Variants in PCDH11X observed in about 807,000 individuals in gnomAD.
PCDH11X encodes protocadherin 11 X-linked.
In PCDH11X, 18 loss-of-function variants were observed where a neutral mutation model predicts 53.3. The ratio of observed to expected loss-of-function variants is 0.34; its 90% confidence interval spans 0.23 to 0.50. The LOEUF (loss-of-function observed/expected upper bound fraction) is 0.50. Ranked by LOEUF, PCDH11X falls within the 20% of genes least tolerant of loss-of-function variation. The pLI, the probability that PCDH11X is intolerant of heterozygous loss-of-function variation, is 0.98. For synonymous variants in PCDH11X, 279 were observed against 393.3 expected, an observed-to-expected ratio of 0.71 and a Z score of 3.44; for missense variants, 570 against 1,032.4, an observed-to-expected ratio of 0.55 and a Z score of 6.14.
At chrX:92,525,586 G>T (rs1182613005) in intron 10 of PCDH11X, among the ~76,000 whole-genome samples, 1 of 100,260 alleles carries the variant, frequency 1.0e-5, no homozygotes, top group Non-Finnish European at 2.0e-5. Flanking sequence ...GGCCAATATT[G>T]CACCACTGCA....
At position 92,243,960 on chromosome X, in the gene PCDH11X, C is replaced by T. The variant is rs190486061; in HGVS notation, c.3115-19154C>T. 4.5e-5 allele frequency among the ~76,000 whole-genome samples: 5 copies of T among 111,218 alleles called. 1 individual carries two copies. The South Asian group carries it at 1.5e-3, about 34-fold the overall frequency. Reference sequence around the variant, plus strand: ...TCTACAGTTCGATTGAGAGTTTAGACATATATCCAAAGAAATTATTCTGAA... The same window carrying T: ...TCTACAGTTCGATTGAGAGTTTAGATATATATCCAAAGAAATTATTCTGAA... On this transcript the variant is annotated intron_variant, in intron 7 of 10. Transcript: ENST00000682573.
intron 6 of PCDH11X, among the ~76,000 whole-genome samples, chrX:92,170,556 C>T (rs1259627696): frequency 9.1e-6 from 1 of 110,071 alleles, no homozygotes. Context: ...ACCATGGACA[C>T]CATATACCAA....
At chrX:91,799,429 T>A (rs907052040) in intron 1 of PCDH11X, among the ~76,000 whole-genome samples, 1 of 111,462 alleles carries the variant, frequency 9.0e-6, no homozygotes, top group African/African-American at 3.3e-5. Flanking sequence ...TAAAACACAT[T>A]TTTTTGGTAT....
chrX:92,413,955 A>G (rs1311079360), intron 9 of PCDH11X, among the ~76,000 whole-genome samples: 2 of 106,104 alleles, frequency 1.9e-5, no homozygotes, highest in East Asian at 6.2e-4. Context: ...GGACACAAAA[A>G]CCCTCACTGT....
At chrX:92,073,755 T>C (rs1280160933) in intron 6 of PCDH11X, among the ~76,000 whole-genome samples, 6 of 111,976 alleles carry the variant, frequency 5.4e-5, no homozygotes, top group Admixed American at 2.8e-4. Context: ...CCTTTAATGA[T>C]GAGACAGTTA....
intron 6 of PCDH11X, among the ~76,000 whole-genome samples, chrX:92,055,042 G>A (rs1290751505): frequency 1.7e-5 from 1 of 58,654 alleles, no homozygotes; most frequent in Non-Finnish European, 3.0e-5. Flanking sequence ...AGAGTACCTG[G>A]TACCCTAATG....
At chrX:92,030,398 A>G (rs973336030) in intron 6 of PCDH11X, among the ~76,000 whole-genome samples, 3 of 109,594 alleles carry the variant, frequency 2.7e-5, no homozygotes, top group Non-Finnish European at 5.7e-5. Context: ...TTTATGAGGT[A>G]GATGAGATAC....
rs767857261 is a variant in PCDH11X, at chrX:92,147,967, T to C, written c.3034-53408T>C. ...CCTTCCTTCCTTTCCTTCTTTCCCT[T>C]CCTTCCTTCCTTCCTTCCTTTCTTT... On this transcript the variant is annotated intron_variant, in intron 6 of 10. Coordinates refer to ENST00000682573, the MANE Select transcript of PCDH11X (RefSeq NM_032968.5). 2.3e-3 allele frequency among the ~76,000 whole-genome samples: 192 copies of C among 82,872 alleles called. 3 individuals carry two copies. Among genetic ancestry groups the C allele is most frequent in the African/African-American group, 0.011 (181 of 16,830 alleles). The allele number at this position is 82,872 out of a possible 115,157, so 72.0% of individuals were successfully genotyped here. A position where few individuals can be genotyped will look rare whatever the true frequency, so the allele number is the denominator to read the frequency against.
chrX:91,938,649 A>C (rs2147851964), intron 6 of PCDH11X, among the ~76,000 whole-genome samples: 1 of 111,210 alleles, frequency 9.0e-6, no homozygotes, highest in African/African-American at 3.3e-5. Context: ...ACTGTGAAAA[A>C]GCCATCCAGT....
chrX:92,423,847 A>G (rs2072034178), intron 9 of PCDH11X, among the ~76,000 whole-genome samples: 1 of 96,947 alleles, frequency 1.0e-5, no homozygotes, highest in Non-Finnish European at 2.3e-5. Context: ...CCATTTGTCT[A>G]TGTGCCTATT....
At chrX:92,099,070 A>G (rs1016092623) in intron 6 of PCDH11X, among the ~76,000 whole-genome samples, 10 of 112,168 alleles carry the variant, frequency 8.9e-5, no homozygotes, top group Admixed American at 8.5e-4. Context: ...AGTAACTCAT[A>G]TCTATTTTAC....
chrX:91,962,268 C>T (rs2061798471), intron 6 of PCDH11X, among the ~76,000 whole-genome samples: 1 of 111,596 alleles, frequency 9.0e-6, no homozygotes, highest in Non-Finnish European at 1.9e-5. Context: ...TTAGTTACTA[C>T]CTACATACAA....
intron 6 of PCDH11X, among the ~76,000 whole-genome samples, chrX:92,039,786 T>C (rs2063183404): frequency 9.1e-6 from 1 of 110,396 alleles, no homozygotes; most frequent in Admixed American, 9.7e-5. Flanking sequence ...GCAGTAGGAG[T>C]CTTTCATCAC....
At chrX:92,019,335 G>A (rs1351374956) in intron 6 of PCDH11X, among the ~76,000 whole-genome samples, 1 of 109,062 alleles carries the variant, frequency 9.2e-6, no homozygotes, top group Non-Finnish European at 1.9e-5. Flanking sequence ...AGATATTCAG[G>A]ACCTGAACTT....
chrX:92,299,122 C>T (rs1024764791), intron 8 of PCDH11X, among the ~76,000 whole-genome samples: 1 of 110,753 alleles, frequency 9.0e-6, no homozygotes, highest in African/African-American at 3.3e-5. Context: ...TTGTGGAGGC[C>T]TGCGGAGTTT....
Position 92,201,047 on chromosome X carries a change from G to A in PCDH11X, c.3034-328G>A, listed in dbSNP as rs183583347. On this transcript the variant is annotated intron_variant, in intron 6 of 10. Coordinates refer to ENST00000682573, the MANE Select transcript of PCDH11X (RefSeq NM_032968.5). Reference sequence around the variant, plus strand: ...CCCACCTTGGCCTCCCAAAGCACTGGGGTTACAGGCATCATTTAAATAGTC... The same window carrying A: ...CCCACCTTGGCCTCCCAAAGCACTGAGGTTACAGGCATCATTTAAATAGTC... Among the ~76,000 whole-genome samples, 432 of 110,510 alleles carry A rather than the reference G, an allele frequency of 3.9e-3. 3 individuals carry two copies. The highest frequency in any genetic ancestry group is 0.019 in the Middle Eastern group (4 of 216).
At chrX:92,161,595 G>T (rs977132067) in intron 6 of PCDH11X, among the ~76,000 whole-genome samples, 1 of 108,690 alleles carries the variant, frequency 9.2e-6, no homozygotes, top group African/African-American at 3.4e-5. Flanking sequence ...TCCTCAATTA[G>T]TCCCCCAAAT....
intron 10 of PCDH11X, among the ~76,000 whole-genome samples, chrX:92,568,388 T>C (rs760086910): frequency 1.6e-4 from 17 of 108,426 alleles, no homozygotes; most frequent in South Asian, 1.2e-3. Flanking sequence ...CGCCACTGCA[T>C]TCCAGCCTGG....
chrX:92,244,617 T>C (rs1406648284), intron 7 of PCDH11X, among the ~76,000 whole-genome samples: 1 of 111,741 alleles, frequency 8.9e-6, no homozygotes, highest in Non-Finnish European at 1.9e-5. Context: ...TGTTAGTGCT[T>C]TACTGTGTTA....
Sources: allele counts gnomAD v4.1 joint callset (sites outside exome capture counted in the v4.1 genomes callset), GRCh38; gene constraint gnomAD v4.1.1; transcripts MANE v1.5; gene names NCBI Gene and HGNC (gene_info 2026-07-23, HGNC 2026-07-21).